The following ANKRD18A variants were observed in gnomAD, a reference collection of about 807,000 sequenced individuals.
The protein encoded by ANKRD18A is ankyrin repeat domain-containing protein 18A.
Under a neutral mutation model 110.6 loss-of-function variants are expected in ANKRD18A, and 72 were observed. The ratio of observed to expected loss-of-function variants is 0.65; its 90% CI spans 0.54 to 0.79. The LOEUF (loss-of-function observed/expected upper bound fraction) is 0.79. Among genes scored for constraint, ANKRD18A ranks in the 30% least tolerant of loss-of-function variants. The probability of loss-of-function intolerance (pLI) is 0.00; values close to 1 mark genes in which losing one functional copy is unlikely to be tolerated. For missense variants in ANKRD18A, 934 were observed against 1,163.3 expected (o/e 0.80, Z 2.87); for synonymous variants, 305 against 410.3 (o/e 0.74, Z 3.10).
chr9:38,618,819 G>T (rs1343958260), intron 1 of ANKRD18A, among the ~76,000 whole-genome samples: 1 of 151,434 alleles, frequency 6.6e-6, no homozygotes, highest in Non-Finnish European at 1.5e-5. Context: ...TGATTGGAAA[G>T]AATTCCCTGT....
In ANKRD18A at chr9:38,574,892, G is replaced by A. The variant is rs553489493; in HGVS notation, c.2964+584C>T. On this transcript the variant is annotated intron_variant, in intron 15 of 15. Transcript: ENST00000399703. ...GGGTGGATAACAAGGTCAAGAGTTC[G>A]AGACCTGCCTGGCCAATATGGTGAA... is the stretch of plus-strand genomic sequence containing the variant. Among the ~76,000 whole-genome samples, 13 of 151,920 alleles carry A rather than the reference G, an allele frequency of 8.6e-5. No individual in the cohort carries two copies. In the Middle Eastern group the frequency reaches 0.01, roughly 119 times the overall value.
chr9:38,597,699 G>C (rs1202748591), intron 8 of ANKRD18A, among the ~76,000 whole-genome samples: 1 of 152,162 alleles, frequency 6.6e-6, no homozygotes, highest in East Asian at 1.9e-4. Context: ...TAATGGCTCA[G>C]AGGGTGGTGG....
At chr9:38,586,851 A>G (rs1269589095) in intron 11 of ANKRD18A, among the ~76,000 whole-genome samples, 2 of 152,208 alleles carry the variant, frequency 1.3e-5, no homozygotes, top group Non-Finnish European at 2.9e-5. Context: ...GGCATGAGCC[A>G]CCACACCTGG....
intron 1 of ANKRD18A, among the ~76,000 whole-genome samples, chr9:38,616,865 T>A (rs887295190): frequency 2.0e-5 from 3 of 152,264 alleles, no homozygotes; most frequent in Admixed American, 2.0e-4. Flanking sequence ...CATTTTAGCA[T>A]ATCTGATATT....
chr9:38,619,976 G>A, intron 1 of ANKRD18A, 104 bp downstream of exon 1: 1 of 1,398,680 alleles, frequency 7.1e-7, no homozygotes, highest in South Asian at 1.5e-5. Flanking sequence ...CCGCTGCTCC[G>A]AGGGTGCCCG....
At chr9:38,570,833 G>A (rs1171146704), downstream of ANKRD18A, among the ~76,000 whole-genome samples, 6 of 152,282 alleles carry the variant, frequency 3.9e-5, 1 homozygote, top group South Asian at 6.2e-4. Flanking sequence ...CACTCACCCC[G>A]CAAGGCCCTC....
intron 14 of ANKRD18A, among the ~76,000 whole-genome samples, chr9:38,576,303 G>C (rs1320386597): frequency 1.3e-5 from 2 of 152,174 alleles, no homozygotes; most frequent in African/African-American, 4.8e-5. Flanking sequence ...AACAACTCCT[G>C]GGGGAGAACT....
intron 5 of ANKRD18A, among the ~76,000 whole-genome samples, chr9:38,609,753 T>C (rs1369358655): frequency 6.6e-6 from 1 of 151,756 alleles, no homozygotes; most frequent in Non-Finnish European, 1.5e-5. Flanking sequence ...TTTTGAAAAA[T>C]TCAAAGGAGG....
At chr9:38,603,122 T>A in intron 7 of ANKRD18A, 37 bp downstream of exon 7, 12 of 1,521,340 alleles carry the variant, frequency 7.9e-6, no homozygotes, top group Non-Finnish European at 1.1e-5. Context: ...TCCCAGTCTC[T>A]TTACATGGTT....
At chr9:38,609,252 G>T (rs1485256636) in intron 5 of ANKRD18A, among the ~76,000 whole-genome samples, 1 of 152,064 alleles carries the variant, frequency 6.6e-6, no homozygotes, top group Non-Finnish European at 1.5e-5. Context: ...GGCCGAGGAG[G>T]GTGGATCACA....
At chr9:38,603,698 G>A (rs191144320) in intron 6 of ANKRD18A, among the ~76,000 whole-genome samples, 7,608 of 152,064 alleles carry the variant, frequency 0.05, 193 homozygotes, top group Non-Finnish European at 0.062. Context: ...GCCCTTTACA[G>A]AGAAAGCTTG....
intron 7 of ANKRD18A, 144 bp downstream of exon 7, chr9:38,603,015 A>G: frequency 7.9e-7 from 1 of 1,271,254 alleles, no homozygotes; most frequent in East Asian, 2.7e-5. Context: ...ATTTTATTTT[A>G]TCATGGATGG....
rs893729153 is a variant in ANKRD18A, at chr9:38,608,542, TA to T, written c.741-1050del. On this transcript the variant is annotated intron_variant, in intron 5 of 15. Coordinates refer to ENST00000399703, the MANE Select transcript of ANKRD18A (RefSeq NM_147195.4). ...GATTATATAATCTATAATTATATAA[TA>T]TATAGATTATATAATCTATAACTAT... Among the ~76,000 whole-genome samples the T allele has an allele frequency of 2.0e-4, 29 of 147,392 alleles. No homozygotes were observed. In the South Asian group the frequency reaches 2.3e-3, roughly 12 times the overall value.
intron 10 of ANKRD18A, among the ~76,000 whole-genome samples, chr9:38,589,622 A>G (rs1199712345): frequency 6.6e-6 from 1 of 152,228 alleles, no homozygotes; most frequent in African/African-American, 2.4e-5. Context: ...AGTACACTCG[A>G]TAAAGATATC....
At chr9:38,566,676 G>A (rs1358743588), downstream of ANKRD18A, 4 of 152,210 alleles carry the variant, frequency 2.6e-5, no homozygotes, top group East Asian at 1.9e-4. Flanking sequence ...ATTGGCTCAC[G>A]GTTCTGCAGG....
Position 38,572,019 on chromosome 9 carries a change from A to C in ANKRD18A, c.*26T>G, listed in dbSNP as rs755874180. On this transcript the variant is annotated 3_prime_UTR_variant, in exon 16 of 16. Transcript: ENST00000399703. Reference sequence around the variant, plus strand: ...GATGTGGCTTACCAGTGGATTCTACAAAAGAAAGTAGACGGGAGCAAGTGC... The same window carrying C: ...GATGTGGCTTACCAGTGGATTCTACCAAAGAAAGTAGACGGGAGCAAGTGC... The C allele has an allele frequency of 2.5e-6, 4 of 1,589,932 alleles. No homozygotes were observed. The highest frequency in any genetic ancestry group is 3.4e-6 in the Non-Finnish European group (4 of 1,172,984).
In ANKRD18A at chr9:38,596,161, A is replaced by T; in HGVS notation, c.1179T>A (p.Asp393Glu). The change falls in exon 9 of 16, where the codon GAT (aspartate) becomes GAA (glutamate). Residue 393 changes from aspartate (D) to glutamate (E), a missense_variant. By Grantham distance (45) the Asp-to-Glu change is conservative. This residue lies in a region of ANKRD18A where 630 missense variants were observed against 797.5 expected (regional missense o/e 0.79). Transcript: ENST00000399703. ...TVARYSQQLN[D>E]LKAENARLNS... ...TCAGCCTTGCATTCTCAGCTTTCAG[A>T]TCATTAAGCTGTTGCGAATACCGGG... 6.5e-7 allele frequency: 1 copy of T among 1,547,526 alleles called. No homozygotes were observed. The highest frequency in any genetic ancestry group is 8.7e-7 in the Non-Finnish European group (1 of 1,145,570).
At chr9:38,607,576 T>G in intron 5 of ANKRD18A, 83 bp from the exon 6 acceptor site, 1 of 975,850 alleles carries the variant, frequency 1.0e-6, no homozygotes. Flanking sequence ...TCTTAAAGCA[T>G]TTCAGACAAT....
intron 7 of ANKRD18A, among the ~76,000 whole-genome samples, chr9:38,602,342 A>T (rs1409927327): frequency 6.6e-6 from 1 of 151,910 alleles, no homozygotes; most frequent in Non-Finnish European, 1.5e-5. Flanking sequence ...AGACAGTGAG[A>T]TTCACCAGAT....
Sources: allele counts gnomAD v4.1 joint callset (sites outside exome capture counted in the v4.1 genomes callset), GRCh38; gene constraint gnomAD v4.1.1; regional missense constraint gnomAD v4.1.1; transcripts MANE v1.5; gene names NCBI Gene and HGNC (gene_info 2026-07-23, HGNC 2026-07-21).